The following SRSF10 variants were observed in gnomAD, a reference collection of about 807,000 sequenced individuals.
SRSF10 encodes the protein serine and arginine rich splicing factor 10, also known as serine/arginine-rich splicing factor 10.
A neutral mutation model predicts 32.6 loss-of-function variants in SRSF10; 9 were observed. The observed-to-expected ratio is 0.28, with a 90% confidence interval of 0.17 to 0.48. The LOEUF is 0.48. Among genes scored for constraint, SRSF10 ranks in the 20% least tolerant of loss-of-function variants. The pLI, the probability that SRSF10 is intolerant of heterozygous loss-of-function variation, is 0.99. For synonymous variants in SRSF10, 105 were observed against 112.4 expected (o/e 0.93, Z 0.42); for missense variants, 201 against 331.8 (o/e 0.61, Z 3.06).
chr1:23,978,571 A>C, intron 2 of SRSF10, 142 bp downstream of exon 2: 2 of 1,061,158 alleles, frequency 1.9e-6, no homozygotes, highest in Non-Finnish European at 2.6e-6. Context: ...GCAATGTGTG[A>C]GTCAGAATTA....
At chr1:23,971,647 A>G (rs987561510) in intron 4 of SRSF10, 21 bp from the exon 5 acceptor site, 5 of 1,606,576 alleles carry the variant, frequency 3.1e-6, no homozygotes, top group Non-Finnish European at 3.4e-6. Flanking sequence ...TATCAGAAAA[A>G]GCAGTGACAA....
Position 23,969,944 on chromosome 1 carries a change from A to G in SRSF10, c.*1198T>C, listed in dbSNP as rs1641645547. The G allele has an allele frequency of 5.1e-6, 5 of 985,438 alleles. No homozygotes were observed. Among genetic ancestry groups the G allele is most frequent in the Non-Finnish European group, 4.8e-6 (4 of 829,944 alleles). 61.0% of individuals were successfully genotyped at this position (985,438 alleles called of 1,614,324 possible). A position where few individuals can be genotyped will look rare whatever the true frequency, so the allele number is the denominator to read the frequency against. ...AAGCAGGCCTCCCTCATAAAGAGGC[A>G]GGCAAATTTTGATACAAATGCACGA... On this transcript the variant is annotated 3_prime_UTR_variant, in exon 6 of 6. Transcript: ENST00000492112.
At position 23,970,941 on chromosome 1, in the gene SRSF10, G is replaced by A. The variant is rs1570769702; in HGVS notation, c.*201C>T. The A allele has an allele frequency of 7.7e-7, 1 of 1,292,510 alleles. No individual in the cohort carries two copies. Among genetic ancestry groups the A allele is most frequent in the Non-Finnish European group, 9.8e-7 (1 of 1,021,952 alleles). 80.1% of individuals were successfully genotyped at this position (1,292,510 alleles called of 1,614,324 possible). ...ACAGAGACACCACAAATTGGTAGCT[G>A]CCCATAACATTAAACAAACTGGACT... On this transcript the variant is annotated 3_prime_UTR_variant, in exon 6 of 6. Coordinates refer to ENST00000492112, the MANE Select transcript of SRSF10 (RefSeq NM_054016.4).
intron 3 of SRSF10, among the ~76,000 whole-genome samples, chr1:23,974,426 T>C (rs771428262): frequency 1.9e-4 from 29 of 152,150 alleles, no homozygotes; most frequent in Admixed American, 3.9e-4. Context: ...AGAGTCCACA[T>C]ATATTTCAGG....
At position 23,972,038 on chromosome 1, in the gene SRSF10, T is replaced by C. The variant is rs1177286906; in HGVS notation, c.275-26A>G. ...CTAGGAAATACAAAGAACAGAAATATTTAAAAATATTAAAAACAGTATTAA... is the reference window on the plus strand; with the variant it reads ...CTAGGAAATACAAAGAACAGAAATACTTAAAAATATTAAAAACAGTATTAA... On this transcript the variant is annotated intron_variant, in intron 3 of 5. Transcript: ENST00000492112. 10 of 1,452,730 alleles carry C rather than the reference T, an allele frequency of 6.9e-6. No homozygotes were observed. The African/African-American group carries it at 1.0e-4, about 15-fold the overall frequency. The allele number at this position is 1,452,730 out of a possible 1,614,324, so 90.0% of individuals were successfully genotyped here. A position where few individuals can be genotyped will look rare whatever the true frequency, so the allele number is the denominator to read the frequency against.
At chr1:23,978,592 A>C (rs1642225149) in intron 2 of SRSF10, 121 bp downstream of exon 2, 5 of 1,290,480 alleles carry the variant, frequency 3.9e-6, no homozygotes, top group Non-Finnish European at 5.1e-6. Context: ...ATTTTCAAAA[A>C]TTTGAAGACA....
In SRSF10 at chr1:23,971,954, A is replaced by G; in HGVS notation, c.333T>C (p.Asp111=). The G allele has an allele frequency of 1.9e-6, 3 of 1,587,854 alleles. No individual in the cohort carries two copies. The highest frequency in any genetic ancestry group is 4.5e-5 in the East Asian group (2 of 44,666). Residue 111 remains aspartate, a synonymous_variant, in exon 4 of 6, where the codon GAT becomes GAC. Transcript: ENST00000492112. ...GRNVYSSSRY[D]DYDRYRRSRS... ...TAGAACGTCTGTATCTGTCATAATC[A>G]TCATAGCGTGAAGAACTGTACACAT...
Position 23,969,665 on chromosome 1 carries a change from T to C in SRSF10, c.*1477A>G, listed in dbSNP as rs1219275424. ...GCTAGCTTTTTATTCTGAAATGAAA[T>C]TGGACATGTCAAGTCACTTTTGTCC... On this transcript the variant is annotated 3_prime_UTR_variant, in exon 6 of 6. Transcript: ENST00000492112. 2 of 985,024 alleles carry C rather than the reference T, an allele frequency of 2.0e-6. No individual in the cohort carries two copies. Among genetic ancestry groups the C allele is most frequent in the Non-Finnish European group, 2.4e-6 (2 of 829,654 alleles). The allele number at this position is 985,024 out of a possible 1,614,324, so 61.0% of individuals were successfully genotyped here. A position where few individuals can be genotyped will look rare whatever the true frequency, so the allele number is the denominator to read the frequency against.
chr1:23,974,626 C>T (rs1485930266), intron 3 of SRSF10, among the ~76,000 whole-genome samples: 2 of 152,186 alleles, frequency 1.3e-5, no homozygotes, highest in Middle Eastern at 3.4e-3. Flanking sequence ...GTGGGGAGTT[C>T]GAGACCGGCC....
intron 4 of SRSF10, 93 bp downstream of exon 4, chr1:23,971,757 T>C: frequency 1.2e-5 from 17 of 1,477,712 alleles, no homozygotes; most frequent in South Asian, 3.7e-5. Flanking sequence ...ACATTCAATG[T>C]ATATAATTAA....
chr1:23,975,196 C>T, intron 2 of SRSF10, 119 bp from the exon 3 acceptor site: 1 of 778,998 alleles, frequency 1.3e-6, no homozygotes, highest in Admixed American at 2.0e-5. Flanking sequence ...TCAACCAGAC[C>T]CCCACTTACT....
intron 3 of SRSF10, among the ~76,000 whole-genome samples, chr1:23,972,748 CT>C (rs34424976): frequency 2.7e-4 from 39 of 146,576 alleles, no homozygotes; most frequent in Non-Finnish European, 3.6e-4. Flanking sequence ...AGCCTGGAGT[CT>C]TTTTTTTTTG....
At position 23,970,124 on chromosome 1, in the gene SRSF10, G is replaced by A; in HGVS notation, c.*1018C>T. 2.0e-6 allele frequency: 2 copies of A among 985,252 alleles called. No homozygotes were observed. Among genetic ancestry groups the A allele is most frequent in the Non-Finnish European group, 1.2e-6 (1 of 829,848 alleles). 61.0% of individuals were successfully genotyped at this position (985,252 alleles called of 1,614,324 possible). On this transcript the variant is annotated 3_prime_UTR_variant, in exon 6 of 6. Transcript: ENST00000492112. Reference sequence around the variant, plus strand: ...CTTAAACTTTAGAATAACTACATAAGAATATTCCTTTTTCCTTAAAATTAT... The same window carrying A: ...CTTAAACTTTAGAATAACTACATAAAAATATTCCTTTTTCCTTAAAATTAT...
chr1:23,971,642 GA>G lies in SRSF10; in HGVS notation c.438-17del. Reference sequence around the variant, plus strand: ...CGGTCTACTGCTAAAAAGCATATCAGAAAAAGCAGTGACAAATATCTATTCA... The same window carrying G: ...CGGTCTACTGCTAAAAAGCATATCAGAAAAGCAGTGACAAATATCTATTCA... On this transcript the variant is annotated splice_polypyrimidine_tract_variant and intron_variant, in intron 4 of 5. Coordinates refer to ENST00000492112, the MANE Select transcript of SRSF10 (RefSeq NM_054016.4). 1 of 1,606,658 alleles carries G rather than the reference GA, an allele frequency of 6.2e-7. No individual in the cohort carries two copies. The highest frequency in any genetic ancestry group is 8.5e-7 in the Non-Finnish European group (1 of 1,178,704).
Position 23,970,277 on chromosome 1 carries a change from C to T in SRSF10, c.*865G>A. On this transcript the variant is annotated 3_prime_UTR_variant, in exon 6 of 6. Transcript: ENST00000492112. ...TTCAGTCAAAAACTCAATTTCCCAG[C>T]TGGCATCATTCCCCAAGACAGTGGG... is the stretch of plus-strand genomic sequence containing the variant. 1.0e-6 allele frequency: 1 copy of T among 985,142 alleles called. No individual in the cohort carries two copies. Among genetic ancestry groups the T allele is most frequent in the African/African-American group, 1.7e-5 (1 of 57,250 alleles). 61.0% of individuals were successfully genotyped at this position (985,142 alleles called of 1,614,324 possible).
In SRSF10 at chr1:23,971,840, G is replaced by A. The variant is rs1641774686; in HGVS notation, c.437+10C>T. ...TTTAAACAGATCACTGTGCTACACA[G>A]CACACTTACTTTCTAGGACTATACG... On this transcript the variant is annotated intron_variant, in intron 4 of 5. Coordinates refer to ENST00000492112, the MANE Select transcript of SRSF10 (RefSeq NM_054016.4). 2.5e-6 allele frequency: 4 copies of A among 1,599,424 alleles called. No homozygotes were observed. Among genetic ancestry groups the A allele is most frequent in the Non-Finnish European group, 3.4e-6 (4 of 1,175,868 alleles).
At position 23,971,458 on chromosome 1, in the gene SRSF10, G is replaced by A. The variant is rs1641747266; in HGVS notation, c.492-19C>T. 2 of 1,594,520 alleles carry A rather than the reference G, an allele frequency of 1.3e-6. No individual in the cohort carries two copies. Among genetic ancestry groups the A allele is most frequent in the East Asian group, 4.5e-5 (2 of 44,766 alleles). On this transcript the variant is annotated intron_variant, in intron 5 of 5. Coordinates refer to ENST00000492112, the MANE Select transcript of SRSF10 (RefSeq NM_054016.4). ...TTTGAATCTTTCAAAACAGAGGAGAGATATAATTAGAGTAAAAATTAGATT... is the reference window on the plus strand; with the variant it reads ...TTTGAATCTTTCAAAACAGAGGAGAAATATAATTAGAGTAAAAATTAGATT...
chr1:23,979,810 A>G (rs1262405490), intron 1 of SRSF10, among the ~76,000 whole-genome samples: 2 of 152,072 alleles, frequency 1.3e-5, no homozygotes, highest in Non-Finnish European at 2.9e-5. Context: ...CTGGGGAAAA[A>G]AAAAAATCTC....
chr1:23,977,441 A>T (rs1360841715), intron 2 of SRSF10: 1 of 152,294 alleles, frequency 6.6e-6, no homozygotes. Context: ...CAGGGCCAGC[A>T]GTCTTCACAG....
Sources: allele counts gnomAD v4.1 joint callset (sites outside exome capture counted in the v4.1 genomes callset), GRCh38; gene constraint gnomAD v4.1.1; transcripts MANE v1.5; gene names NCBI Gene and HGNC (gene_info 2026-07-23, HGNC 2026-07-21).